Variants in PID1 observed in about 807,000 individuals in gnomAD.
PID1 encodes the protein PTB-containing, cubilin and LRP1-interacting protein.
In PID1, 10 loss-of-function variants were observed where a neutral mutation model predicts 19.1. The observed-to-expected ratio is 0.52, with a 90% CI of 0.32 to 0.89. PID1 has a LOEUF of 0.89. Ranked by LOEUF, PID1 falls within the 40% of genes least tolerant of loss-of-function variation. The pLI, the probability that PID1 is intolerant of heterozygous loss-of-function variation, is 0.03. For missense variants in PID1, 248 were observed against 285.3 expected, an observed-to-expected ratio of 0.87 and a Z score of 0.94; for synonymous variants, 130 against 116.0, an observed-to-expected ratio of 1.12 and a Z score of -0.78.
chr2:229,114,816 CTG>C (rs1695377953), intron 2 of PID1, among the ~76,000 whole-genome samples: 1 of 152,154 alleles, frequency 6.6e-6, no homozygotes, highest in Non-Finnish European at 1.5e-5. Context: ...AAACAAAGAC[CTG>C]TGTCTTATGA....
intron 2 of PID1, 148 bp downstream of exon 2, chr2:229,155,670 G>T: frequency 1.5e-6 from 1 of 688,236 alleles, no homozygotes; most frequent in Non-Finnish European, 2.3e-6. Flanking sequence ...TATGAATTCA[G>T]TCTACCATCA....
At chr2:229,046,024 C>T (rs1162947723) in intron 2 of PID1, among the ~76,000 whole-genome samples, 1 of 152,176 alleles carries the variant, frequency 6.6e-6, no homozygotes, top group Non-Finnish European at 1.5e-5. Context: ...TGACCACCAT[C>T]GTTCTGCCCC....
At chr2:229,110,119 T>A (rs753681055) in intron 2 of PID1, among the ~76,000 whole-genome samples, 1 of 152,222 alleles carries the variant, frequency 6.6e-6, no homozygotes, top group Admixed American at 6.5e-5. Flanking sequence ...AGTACTCTTA[T>A]GCTGATGTGA....
At chr2:229,094,726 A>T (rs1261820681) in intron 2 of PID1, among the ~76,000 whole-genome samples, 1 of 152,150 alleles carries the variant, frequency 6.6e-6, no homozygotes, top group Non-Finnish European at 1.5e-5. Flanking sequence ...AAAACTGAAT[A>T]CCACTTGTAG....
At chr2:229,250,385 C>T (rs558387066) in intron 1 of PID1, among the ~76,000 whole-genome samples, 1 of 152,258 alleles carries the variant, frequency 6.6e-6, no homozygotes, top group South Asian at 2.1e-4. Flanking sequence ...GCTAGAAAAC[C>T]ATCTGATACC....
intron 2 of PID1, among the ~76,000 whole-genome samples, chr2:229,143,874 T>A (rs1690070593): frequency 6.6e-6 from 1 of 152,094 alleles, no homozygotes; most frequent in Non-Finnish European, 1.5e-5. Context: ...CCCAGCTGTG[T>A]GGAACTGTGA....
rs544949192 is a variant in PID1, at chr2:229,216,801, T to C, written c.30+54213A>G. ...GTGACTGTCCCAGAGCTGCAAATGA[T>C]GTTATTACTGTCACTGTCCTTTTAA... is the stretch of plus-strand genomic sequence containing the variant. On this transcript the variant is annotated intron_variant, in intron 1 of 2. Coordinates refer to ENST00000392055, the MANE Select transcript of PID1 (RefSeq NM_001100818.2). Among the ~76,000 whole-genome samples, 17 of 152,262 alleles carry C rather than the reference T, an allele frequency of 1.1e-4. No homozygotes were observed. In the South Asian group the frequency reaches 3.3e-3, roughly 30 times the overall value.
intron 1 of PID1, among the ~76,000 whole-genome samples, chr2:229,166,017 A>G (rs1690590011): frequency 1.3e-5 from 2 of 152,236 alleles, no homozygotes; most frequent in Admixed American, 1.3e-4. Flanking sequence ...AGACTTGTAC[A>G]CAAATGCTCA....
At chr2:229,164,279 C>T (rs2106203639) in intron 1 of PID1, among the ~76,000 whole-genome samples, 1 of 150,690 alleles carries the variant, frequency 6.6e-6, no homozygotes, top group African/African-American at 2.4e-5. Flanking sequence ...GCTAGGAGCA[C>T]AGAACAAAAA....
intron 1 of PID1, among the ~76,000 whole-genome samples, chr2:229,255,936 A>G (rs1216340450): frequency 6.6e-6 from 1 of 152,236 alleles, no homozygotes; most frequent in Non-Finnish European, 1.5e-5. Flanking sequence ...ATGCACCTGC[A>G]GGTGGGCTGC....
At chr2:229,138,211 A>G (rs996746637) in intron 2 of PID1, among the ~76,000 whole-genome samples, 4 of 152,138 alleles carry the variant, frequency 2.6e-5, no homozygotes, top group Non-Finnish European at 5.9e-5. Flanking sequence ...GACCCTCAGA[A>G]GGGGGAAGAA....
chr2:229,027,962 C>T (rs1693462445), intron 2 of PID1, among the ~76,000 whole-genome samples: 2 of 152,176 alleles, frequency 1.3e-5, no homozygotes. Flanking sequence ...AGCCTGTGAA[C>T]TCAGACTTTC....
rs1306268049 is a variant in PID1 at position 229,139,143 on chromosome 2, A to G, written c.177+16675T>C. ...AAAGAAAGAAAGAAAGAAAGAAAGA[A>G]AGAAAGCAAGCGAGCGAGCAAGCGA... On this transcript the variant is annotated intron_variant, in intron 2 of 2. Transcript: ENST00000392055. Among the ~76,000 whole-genome samples the G allele has an allele frequency of 2.2e-3, 279 of 126,122 alleles. 27 individuals are homozygous for G. The highest frequency in any genetic ancestry group is 8.3e-3 in the African/African-American group (265 of 31,852). The allele number at this position is 126,122 out of a possible 152,430, so 82.7% of individuals were successfully genotyped here.
intron 2 of PID1, among the ~76,000 whole-genome samples, chr2:229,094,198 C>T (rs888480791): frequency 6.6e-5 from 10 of 151,512 alleles, no homozygotes; most frequent in East Asian, 5.8e-4. Flanking sequence ...TAAAATAGGA[C>T]GCAAAAAAAT....
chr2:229,052,075 C>G (rs1396721024), intron 2 of PID1, among the ~76,000 whole-genome samples: 1 of 152,144 alleles, frequency 6.6e-6, no homozygotes, highest in Non-Finnish European at 1.5e-5. Flanking sequence ...CTGGTCCTAT[C>G]CAGGGGACAT....
chr2:229,222,501 T>C (rs1046580792), intron 1 of PID1, among the ~76,000 whole-genome samples: 3 of 152,172 alleles, frequency 2.0e-5, no homozygotes, highest in South Asian at 4.1e-4. Flanking sequence ...AGAGTTAATT[T>C]TATGTGTCAA....
chr2:229,161,082 G>A (rs960212576), intron 1 of PID1, among the ~76,000 whole-genome samples: 4 of 152,134 alleles, frequency 2.6e-5, no homozygotes, highest in African/African-American at 9.7e-5. Flanking sequence ...TATGCAACAT[G>A]ACACAGGCTG....
intron 1 of PID1, among the ~76,000 whole-genome samples, chr2:229,180,832 G>A (rs1197217001): frequency 2.0e-5 from 3 of 152,222 alleles, no homozygotes. Flanking sequence ...GATCCGCTGA[G>A]GGCAAGGGAG....
intron 2 of PID1, among the ~76,000 whole-genome samples, chr2:229,131,353 C>T (rs1056205806): frequency 6.6e-6 from 1 of 152,066 alleles, no homozygotes; most frequent in African/African-American, 2.4e-5. Flanking sequence ...GCCTCAGCCT[C>T]CCAAGTAGCT....
Sources: allele counts gnomAD v4.1 joint callset (sites outside exome capture counted in the v4.1 genomes callset), GRCh38; gene constraint gnomAD v4.1.1; transcripts MANE v1.5; gene names NCBI Gene and HGNC (gene_info 2026-07-23, HGNC 2026-07-21).